The following PAK1 variants were observed in gnomAD, a reference collection of about 807,000 sequenced individuals.
PAK1 encodes p21 (RAC1) activated kinase 1.
In PAK1, 29 loss-of-function variants were observed where a neutral mutation model predicts 67.4. That is an observed-to-expected ratio of 0.43 (90% CI 0.32 to 0.59). PAK1 has a LOEUF of 0.59. Ranked by LOEUF, PAK1 falls within the 20% of genes least tolerant of loss-of-function variation. PAK1 has a pLI of 0.07. For synonymous variants in PAK1, 223 were observed against 237.4 expected, an observed-to-expected ratio of 0.94 and a Z score of 0.56; for missense variants, 337 against 670.7, an observed-to-expected ratio of 0.50 and a Z score of 5.50.
intron 2 of PAK1, among the ~76,000 whole-genome samples, chr11:77,391,477 TA>T (rs1205690071): frequency 6.6e-6 from 1 of 151,920 alleles, no homozygotes; most frequent in African/African-American, 2.4e-5. Flanking sequence ...CAGCTCCATC[TA>T]AACCAGAAGC....
intron 1 of PAK1, among the ~76,000 whole-genome samples, chr11:77,417,016 T>C (rs546636293): frequency 6.6e-6 from 1 of 152,292 alleles, no homozygotes; most frequent in Admixed American, 6.5e-5. Context: ...AGCAGGTTTG[T>C]TTACACCAGC....
chr11:77,384,915 A>T (rs554919023), intron 2 of PAK1, among the ~76,000 whole-genome samples: 5 of 152,112 alleles, frequency 3.3e-5, no homozygotes, highest in African/African-American at 1.2e-4. Flanking sequence ...CAATTTTTTA[A>T]AAAAAAGTGA....
intron 9 of PAK1, among the ~76,000 whole-genome samples, chr11:77,345,779 A>C (rs1944325049): frequency 6.6e-6 from 1 of 152,202 alleles, no homozygotes; most frequent in Admixed American, 6.5e-5. Flanking sequence ...TGTTGATCTA[A>C]AGATATTAAG....
chr11:77,452,170 A>T (rs1956888388), intron 1 of PAK1, among the ~76,000 whole-genome samples: 1 of 152,184 alleles, frequency 6.6e-6, no homozygotes, highest in African/African-American at 2.4e-5. Context: ...TTTCCCCTGC[A>T]TCTCACATTT....
At chr11:77,396,851 C>T (rs1951897604) in intron 1 of PAK1, among the ~76,000 whole-genome samples, 1 of 152,180 alleles carries the variant, frequency 6.6e-6, no homozygotes. Context: ...TATAGGTTCT[C>T]CACAAGTCTT....
At chr11:77,351,040 A>T (rs1055646970) in intron 8 of PAK1, among the ~76,000 whole-genome samples, 7 of 152,212 alleles carry the variant, frequency 4.6e-5, no homozygotes, top group Admixed American at 2.0e-4. Context: ...TTGAATAGAC[A>T]TATAATTAGA....
At chr11:77,441,921 G>A (rs1055023924) in intron 1 of PAK1, among the ~76,000 whole-genome samples, 4 of 152,162 alleles carry the variant, frequency 2.6e-5, no homozygotes, top group East Asian at 3.9e-4. Flanking sequence ...TTGTGTTCCC[G>A]ACCCTCACGA....
At chr11:77,520,004 C>A in the PAK1 span, among the ~76,000 whole-genome samples, 14 of 151,976 alleles carry the variant, frequency 9.2e-5, no homozygotes, top group East Asian at 5.8e-4. Context: ...GGCCTGTGGC[C>A]CCCCCCTCCG....
chr11:77,340,893 T>C, intron 10 of PAK1, 130 bp from the exon 11 acceptor site: 1 of 670,132 alleles, frequency 1.5e-6, no homozygotes, highest in Non-Finnish European at 2.7e-6. Flanking sequence ...AAAAGGTTCT[T>C]TACTTTGGGG....
intron 5 of PAK1, among the ~76,000 whole-genome samples, chr11:77,372,909 G>C (rs574684702): frequency 6.6e-6 from 1 of 152,156 alleles, no homozygotes; most frequent in South Asian, 2.1e-4. Flanking sequence ...CTTTCATTCA[G>C]TAAATGTTTA....
chr11:77,332,764 A>ACAT lies in PAK1; in HGVS notation c.1514_1516dup (p.Asp505dup). The stretch of plus-strand genomic sequence containing the variant: ...CTCTTTAGCTGAACCTCTCTTCTCC[A>ACAT]CATCCATCTCGAGACAGCGGTTCAG... On this transcript the variant is annotated inframe_insertion, in exon 14 of 15. Coordinates refer to ENST00000356341, the MANE Select transcript of PAK1 (RefSeq NM_002576.5). 6.2e-7 allele frequency: 1 copy of ACAT among 1,613,830 alleles called. No homozygotes were observed. Among genetic ancestry groups the ACAT allele is most frequent in the Non-Finnish European group, 8.5e-7 (1 of 1,179,732 alleles).
chr11:77,405,390 G>A (rs558592441), intron 1 of PAK1, among the ~76,000 whole-genome samples: 44 of 152,196 alleles, frequency 2.9e-4, no homozygotes, highest in African/African-American at 1.0e-3. Context: ...CAGGCTGCAG[G>A]GGAACAATGC....
intron 1 of PAK1, among the ~76,000 whole-genome samples, chr11:77,394,439 T>G (rs1003224353): frequency 3.4e-5 from 5 of 146,518 alleles, no homozygotes; most frequent in African/African-American, 1.2e-4. Context: ...CTATAGGAGT[T>G]TTTTTTTTTA....
intron 1 of PAK1, among the ~76,000 whole-genome samples, chr11:77,407,557 A>G (rs899071137): frequency 3.3e-5 from 5 of 152,202 alleles, no homozygotes; most frequent in African/African-American, 1.2e-4. Context: ...GGGAACAACC[A>G]CAATGATATC....
At chr11:77,487,414 T>C in the PAK1 span, among the ~76,000 whole-genome samples, 1 of 151,174 alleles carries the variant, frequency 6.6e-6, no homozygotes, top group Admixed American at 6.6e-5. Context: ...AGGGACTCCT[T>C]CTGCTTGAGA....
At chr11:77,517,861 T>C in the PAK1 span, among the ~76,000 whole-genome samples, 1 of 152,156 alleles carries the variant, frequency 6.6e-6, no homozygotes, top group Non-Finnish European at 1.5e-5. Context: ...CCTAGATCCC[T>C]TCCTTGCCCA....
intron 8 of PAK1, 29 bp from the exon 9 acceptor site, chr11:77,349,316 G>A: frequency 9.0e-6 from 14 of 1,562,572 alleles, no homozygotes; most frequent in Non-Finnish European, 1.2e-5. Context: ...GAGAAAGAGG[G>A]AAAAAAACAC....
At chr11:77,325,620 T>G (rs1019270764) in intron 14 of PAK1, among the ~76,000 whole-genome samples, 6 of 152,208 alleles carry the variant, frequency 3.9e-5, no homozygotes, top group African/African-American at 1.4e-4. Flanking sequence ...AGGCTTAGCA[T>G]ATAGTATTTA....
chr11:77,396,000 C>T (rs899895102), intron 1 of PAK1, among the ~76,000 whole-genome samples: 1 of 152,272 alleles, frequency 6.6e-6, no homozygotes, highest in African/African-American at 2.4e-5. Context: ...ATCTGATACC[C>T]TAGTCAAGTC....
Sources: gnomAD v4.1 joint callset for allele counts (sites outside exome capture counted in the v4.1 genomes callset) on GRCh38, gnomAD v4.1.1 for gene constraint, MANE v1.5 for transcripts, NCBI Gene and HGNC (gene_info 2026-07-23, HGNC 2026-07-21) for gene names.